The following RAB3GAP1 variants were observed in gnomAD, a reference collection of about 807,000 sequenced individuals.
RAB3GAP1 encodes the protein rab3 GTPase-activating protein catalytic subunit.
In RAB3GAP1, 86 loss-of-function variants were observed where a neutral mutation model predicts 130.7. That is an observed-to-expected ratio of 0.66 (90% CI 0.55 to 0.79). The LOEUF (loss-of-function observed/expected upper bound fraction) is 0.79. Ranked by LOEUF, RAB3GAP1 falls within the 30% of genes least tolerant of loss-of-function variation. The pLI, the probability that RAB3GAP1 is intolerant of heterozygous loss-of-function variation, is 0.00. For synonymous variants in RAB3GAP1, 367 were observed against 401.7 expected, an observed-to-expected ratio of 0.91 and a Z score of 1.03; for missense variants, 1,029 against 1,169.4, an observed-to-expected ratio of 0.88 and a Z score of 1.75.
intron 22 of RAB3GAP1, among the ~76,000 whole-genome samples, chr2:135,163,632 ACT>A (rs1491410431): frequency 6.6e-6 from 1 of 152,024 alleles, no homozygotes; most frequent in African/African-American, 2.4e-5. Flanking sequence ...TCTTTATGAG[ACT>A]CGGCACCATT....
At chr2:135,116,171 G>A (rs1005360226) in intron 7 of RAB3GAP1, among the ~76,000 whole-genome samples, 2 of 152,136 alleles carry the variant, frequency 1.3e-5, no homozygotes, top group Admixed American at 1.3e-4. Flanking sequence ...ATCATGTGTC[G>A]TGTGATGGCT....
chr2:135,081,102 T>C (rs1176205029), intron 3 of RAB3GAP1, among the ~76,000 whole-genome samples: 1 of 151,710 alleles, frequency 6.6e-6, no homozygotes, highest in Non-Finnish European at 1.5e-5. Context: ...AAGACCATAT[T>C]ACGTATTATA....
chr2:135,147,615 T>TCCCCCCCCC (rs1553448280), intron 17 of RAB3GAP1, among the ~76,000 whole-genome samples: 4 of 132,988 alleles, frequency 3.0e-5, no homozygotes, highest in East Asian at 2.5e-4. Context: ...AGTAGTCCCC[T>TCCCCCCCCC]CCCCCCCCCT....
In RAB3GAP1 at chr2:135,083,319, A is replaced by G. The variant is rs186829653; in HGVS notation, c.151-7679A>G. Among the ~76,000 whole-genome samples the G allele has an allele frequency of 2.8e-4, 42 of 152,158 alleles. No homozygotes were observed. In the East Asian group the frequency reaches 8.1e-3, roughly 29 times the overall value. On this transcript the variant is annotated intron_variant, in intron 3 of 23. Coordinates refer to ENST00000264158, the MANE Select transcript of RAB3GAP1 (RefSeq NM_012233.3). ...GTGTGGACATGTTTTTATTTCTTTT[A>G]GCTGTATATCTAGGAGTAGAATTTC...
chr2:135,108,031 G>A (rs977105423), intron 5 of RAB3GAP1, among the ~76,000 whole-genome samples: 1 of 144,194 alleles, frequency 6.9e-6, no homozygotes, highest in Non-Finnish European at 1.5e-5. Context: ...ATGGTTTTAT[G>A]ATTTGCCTAT....
chr2:135,174,554 CCAT>C (rs1311954864), downstream of RAB3GAP1, among the ~76,000 whole-genome samples: 1 of 152,172 alleles, frequency 6.6e-6, no homozygotes, highest in Non-Finnish European at 1.5e-5. Context: ...AGATGGGACA[CCAT>C]CAAAGCTCTT....
chr2:135,148,537 G>A (rs562985943), intron 17 of RAB3GAP1, among the ~76,000 whole-genome samples: 28 of 142,252 alleles, frequency 2.0e-4, no homozygotes, highest in Non-Finnish European at 3.8e-4. Flanking sequence ...CACTGTTACC[G>A]AGGCCTGAGT....
chr2:135,118,408 T>C (rs1185313430), intron 7 of RAB3GAP1, among the ~76,000 whole-genome samples: 2 of 152,364 alleles, frequency 1.3e-5, no homozygotes, highest in East Asian at 3.9e-4. Flanking sequence ...TTCTTAAGTT[T>C]AATCCTCTTC....
At chr2:135,140,688 A>G (rs1234973737) in intron 17 of RAB3GAP1, among the ~76,000 whole-genome samples, 1 of 152,244 alleles carries the variant, frequency 6.6e-6, no homozygotes, top group Non-Finnish European at 1.5e-5. Context: ...GGGAGTTATC[A>G]GTAGGGGCTG....
At chr2:135,110,335 A>G (rs905293779) in intron 5 of RAB3GAP1, among the ~76,000 whole-genome samples, 7 of 151,818 alleles carry the variant, frequency 4.6e-5, no homozygotes, top group Admixed American at 2.6e-4. Context: ...GGGTCTTGCT[A>G]TGTTGCCTAG....
intron 3 of RAB3GAP1, among the ~76,000 whole-genome samples, chr2:135,078,493 T>C (rs1475604335): frequency 1.3e-5 from 2 of 152,140 alleles, no homozygotes; most frequent in African/African-American, 4.8e-5. Context: ...ATGTACTGAG[T>C]TCCCATATGT....
intron 5 of RAB3GAP1, among the ~76,000 whole-genome samples, chr2:135,104,699 AAAATAAATAAATAAATAAATAAAT>A (rs59733454): frequency 6.7e-6 from 1 of 148,764 alleles, no homozygotes; most frequent in African/African-American, 2.5e-5. Flanking sequence ...CTAAAAATAC[AAAATAAATAAATAAATAAATAAAT>A]AAATAAATAA....
chr2:135,085,437 T>C (rs566392248), intron 3 of RAB3GAP1, among the ~76,000 whole-genome samples: 6 of 152,294 alleles, frequency 3.9e-5, no homozygotes, highest in African/African-American at 1.4e-4. Flanking sequence ...GATAACCACG[T>C]GGAAGAAGGA....
At chr2:135,154,160 C>T (rs560051871) in intron 19 of RAB3GAP1, among the ~76,000 whole-genome samples, 35 of 152,126 alleles carry the variant, frequency 2.3e-4, no homozygotes, top group Non-Finnish European at 4.6e-4. Flanking sequence ...GCTAGCAGTT[C>T]TATCACCAAA....
At chr2:135,102,650 A>G (rs1216134581) in intron 5 of RAB3GAP1, among the ~76,000 whole-genome samples, 4 of 152,154 alleles carry the variant, frequency 2.6e-5, no homozygotes, top group Admixed American at 2.0e-4. Flanking sequence ...TTTATTGGTC[A>G]CCACAAAGGA....
In RAB3GAP1 at chr2:135,162,766, C is replaced by T. The variant is rs747587695; in HGVS notation, c.2405C>T (p.Ser802Phe). 6.2e-7 allele frequency: 1 copy of T among 1,613,474 alleles called. No homozygotes were observed. Among genetic ancestry groups the T allele is most frequent in the African/African-American group, 1.3e-5 (1 of 75,030 alleles). Reference protein sequence around the residue: ...VKEEESLENISSVKKIIKQII... With the variant: ...VKEEESLENIFSVKKIIKQII... ...AAAATAGAAAGTCTCGAAAACATTT[C>T]TTCAGTTAAGAAGATCATAAAGCAG... The change falls in exon 21 of 24, where the codon TCT becomes TTT. Residue 802 changes from serine to phenylalanine, a missense_variant. Transcript: ENST00000264158.
At chr2:135,087,063 T>A (rs922442580) in intron 3 of RAB3GAP1, among the ~76,000 whole-genome samples, 1 of 152,232 alleles carries the variant, frequency 6.6e-6, no homozygotes, top group Non-Finnish European at 1.5e-5. Context: ...GCTTTTTGTG[T>A]CTGGTCAAAG....
At chr2:135,133,231 A>G (rs1691595132) in intron 14 of RAB3GAP1, among the ~76,000 whole-genome samples, 1 of 152,172 alleles carries the variant, frequency 6.6e-6, no homozygotes, top group African/African-American at 2.4e-5. Context: ...GATTTCCCTC[A>G]TTGTAGAGTT....
intron 3 of RAB3GAP1, among the ~76,000 whole-genome samples, chr2:135,072,756 C>T (rs1689514403): frequency 6.6e-6 from 1 of 152,084 alleles, no homozygotes; most frequent in Non-Finnish European, 1.5e-5. Flanking sequence ...TTATAACCTT[C>T]CTTACCAAAA....
Sources: gnomAD v4.1 joint callset for allele counts (sites outside exome capture counted in the v4.1 genomes callset) on GRCh38, gnomAD v4.1.1 for gene constraint, MANE v1.5 for transcripts, NCBI Gene and HGNC (gene_info 2026-07-23, HGNC 2026-07-21) for gene names.